Variants in FAM219A observed in about 807,000 individuals in gnomAD.
The protein encoded by FAM219A is family with sequence similarity 219 member A.
In FAM219A, 7 loss-of-function variants were observed where a neutral mutation model predicts 23.4. That is an observed-to-expected ratio of 0.30 (90% confidence interval 0.17 to 0.56). The LOEUF (loss-of-function observed/expected upper bound fraction) is 0.56. Among genes scored for constraint, FAM219A ranks in the 20% least tolerant of loss-of-function variants. FAM219A has a pLI of 0.92. For synonymous variants in FAM219A, 93 were observed against 99.0 expected, an observed-to-expected ratio of 0.94 and a Z score of 0.36; for missense variants, 166 against 246.9, an observed-to-expected ratio of 0.67 and a Z score of 2.20.
Position 34,458,141 on chromosome 9 carries a change from C to T in FAM219A, c.60+63G>A. ...TCCGCACGATCCCCCCGGCCTGATTCCCTCCCTCCCCCTCAAGCGACGCCC... is the reference window on the plus strand; with the variant it reads ...TCCGCACGATCCCCCCGGCCTGATTTCCTCCCTCCCCCTCAAGCGACGCCC... On this transcript the variant is annotated intron_variant, in intron 1 of 5. Transcript: ENST00000651358. The surrounding 1 kb of genome is among the most constrained non-coding windows in gnomAD (Gnocchi z 6.6). 4.4e-6 allele frequency: 5 copies of T among 1,129,532 alleles called. No individual in the cohort carries two copies. The highest frequency in any genetic ancestry group is 1.6e-5 in the African/African-American group (1 of 63,826). 70.0% of individuals were successfully genotyped at this position (1,129,532 alleles called of 1,614,324 possible). A position where few individuals can be genotyped will look rare whatever the true frequency, so the allele number is the denominator to read the frequency against.
chr9:34,415,699 T>C (rs1431905369), intron 1 of FAM219A, among the ~76,000 whole-genome samples: 1 of 152,228 alleles, frequency 6.6e-6, no homozygotes, highest in Non-Finnish European at 1.5e-5. Flanking sequence ...GCTGGTTCTA[T>C]GTGATTCCAC....
chr9:34,419,258 G>A (rs1193987046), intron 1 of FAM219A, among the ~76,000 whole-genome samples: 1 of 151,952 alleles, frequency 6.6e-6, no homozygotes, highest in Non-Finnish European at 1.5e-5. Context: ...TTCATATTCA[G>A]ATTCAGACAA....
intron 1 of FAM219A, among the ~76,000 whole-genome samples, chr9:34,425,072 T>C (rs1588051613): frequency 6.6e-6 from 1 of 152,268 alleles, no homozygotes; most frequent in Non-Finnish European, 1.5e-5. Context: ...CCCAAAGTGC[T>C]GGAATTACAG....
intron 1 of FAM219A, among the ~76,000 whole-genome samples, chr9:34,454,310 C>A (rs1823659697): frequency 6.6e-6 from 1 of 152,222 alleles, no homozygotes; most frequent in South Asian, 2.1e-4. Context: ...GTGGCATGCG[C>A]CTGTAGTCCC....
intron 1 of FAM219A, among the ~76,000 whole-genome samples, chr9:34,453,344 A>G (rs1823622758): frequency 6.6e-6 from 1 of 152,056 alleles, no homozygotes; most frequent in African/African-American, 2.4e-5. Flanking sequence ...ATCCCCATCC[A>G]TCCCTGAGTG....
intron 1 of FAM219A, among the ~76,000 whole-genome samples, chr9:34,407,399 A>G (rs1360351593): frequency 1.3e-5 from 2 of 152,206 alleles, no homozygotes; most frequent in East Asian, 1.9e-4. Context: ...ATGTTTTATT[A>G]TGGAAATTAT....
In FAM219A at chr9:34,398,251, T is replaced by C. The variant is rs770476596; in HGVS notation, c.*2713A>G. The C allele has an allele frequency of 4.5e-5, 69 of 1,547,286 alleles. 2 individuals carry two copies. Among genetic ancestry groups the C allele is most frequent in the South Asian group, 3.3e-4 (28 of 83,978 alleles). On this transcript the variant is annotated 3_prime_UTR_variant, in exon 6 of 6. Coordinates refer to ENST00000651358, the MANE Select transcript of FAM219A (RefSeq NM_001184940.2). ...ATACACAACCAAGGATGATGGTCAATACTGCAATGAAAATGTTAAAAAAAA... is the reference window on the plus strand; with the variant it reads ...ATACACAACCAAGGATGATGGTCAACACTGCAATGAAAATGTTAAAAAAAA...
At chr9:34,410,429 T>C (rs926853636) in intron 1 of FAM219A, among the ~76,000 whole-genome samples, 6 of 152,192 alleles carry the variant, frequency 3.9e-5, no homozygotes, top group Non-Finnish European at 8.8e-5. Context: ...AAGGAGGATC[T>C]GGATAAGTAG....
chr9:34,453,460 T>C (rs1823627974), intron 1 of FAM219A, among the ~76,000 whole-genome samples: 1 of 152,204 alleles, frequency 6.6e-6, no homozygotes, highest in South Asian at 2.1e-4. Flanking sequence ...CTCTTTCTCA[T>C]GACACTTCAT....
At chr9:34,427,080 T>C (rs894542424) in intron 1 of FAM219A, among the ~76,000 whole-genome samples, 24 of 152,228 alleles carry the variant, frequency 1.6e-4, no homozygotes, top group Non-Finnish European at 2.2e-4. Context: ...ACTGGTCTTC[T>C]TTACTCCTGA....
intron 1 of FAM219A, among the ~76,000 whole-genome samples, chr9:34,422,119 G>A (rs975953169): frequency 6.6e-6 from 1 of 152,184 alleles, no homozygotes; most frequent in Non-Finnish European, 1.5e-5. Context: ...TCACGTTGGG[G>A]AGGCAGCTCT....
At chr9:34,402,634 G>C in intron 3 of FAM219A, 71 bp downstream of exon 3, 1 of 1,575,320 alleles carries the variant, frequency 6.3e-7, no homozygotes, top group Non-Finnish European at 8.7e-7. Flanking sequence ...GGAGGGAAGA[G>C]GGGGAGGCTC....
chr9:34,432,679 C>T (rs1822760093), intron 1 of FAM219A, among the ~76,000 whole-genome samples: 1 of 152,086 alleles, frequency 6.6e-6, no homozygotes, highest in South Asian at 2.1e-4. Flanking sequence ...TAGCTCTGAC[C>T]TCTCTCTCCA....
At chr9:34,424,008 A>AG (rs1407826487) in intron 1 of FAM219A, among the ~76,000 whole-genome samples, 4 of 152,210 alleles carry the variant, frequency 2.6e-5, no homozygotes, top group African/African-American at 9.6e-5. Flanking sequence ...AAGGGCTTAG[A>AG]GAAAAAAAAT....
intron 1 of FAM219A, among the ~76,000 whole-genome samples, chr9:34,430,793 G>T (rs1348650037): frequency 1.3e-5 from 2 of 151,950 alleles, no homozygotes; most frequent in Admixed American, 1.3e-4. Context: ...AGTGAGCAGT[G>T]ATCATGCCAT....
At chr9:34,431,029 T>C (rs2131981789) in intron 1 of FAM219A, among the ~76,000 whole-genome samples, 1 of 152,336 alleles carries the variant, frequency 6.6e-6, no homozygotes, top group South Asian at 2.1e-4. Flanking sequence ...TAAATGCCAC[T>C]GGCTCATCTC....
chr9:34,400,843 G>A lies in FAM219A; in HGVS notation c.*121C>T. On this transcript the variant is annotated 3_prime_UTR_variant, in exon 6 of 6. Coordinates refer to ENST00000651358, the MANE Select transcript of FAM219A (RefSeq NM_001184940.2). ...GGAGGAAGCAATGACTGTTATACGA[G>A]GTTGGCGGCTGTAGGGGCGCGGGGC... 4.0e-6 allele frequency: 4 copies of A among 1,002,920 alleles called. No individual in the cohort carries two copies. Among genetic ancestry groups the A allele is most frequent in the South Asian group, 3.5e-5 (2 of 56,466 alleles). 62.1% of individuals were successfully genotyped at this position (1,002,920 alleles called of 1,614,324 possible).
chr9:34,415,194 C>T (rs1821957798), intron 1 of FAM219A, among the ~76,000 whole-genome samples: 1 of 152,072 alleles, frequency 6.6e-6, no homozygotes, highest in South Asian at 2.1e-4. Context: ...TTTCCACACA[C>T]CACACTTCTG....
Position 34,402,725 on chromosome 9 carries a change from G to A in FAM219A, c.243C>T (p.Asn81=). The change falls in exon 3 of 6, where the codon AAC becomes AAT. Residue 81 remains asparagine, a synonymous_variant. Transcript: ENST00000651358. ...TCTACCTTGTTCGGGCCATGACATT[G>A]TTCTTCTTGGGTTGCTGGTTGACAG... ...GSPVNQQPKK[N]NVMARTRLVV... is the part of the protein sequence containing the mutation. 2 of 1,614,172 alleles carry A rather than the reference G, an allele frequency of 1.2e-6. No homozygotes were observed. The highest frequency in any genetic ancestry group is 1.7e-6 in the Non-Finnish European group (2 of 1,180,002).
Sources: allele counts gnomAD v4.1 joint callset (sites outside exome capture counted in the v4.1 genomes callset), GRCh38; gene constraint gnomAD v4.1.1; non-coding constraint Gnocchi (gnomAD v3.1); transcripts MANE v1.5; gene names NCBI Gene and HGNC (gene_info 2026-07-23, HGNC 2026-07-21).